Variants in ADAMTSL1 observed in about 807,000 individuals in gnomAD.
ADAMTSL1 encodes the protein ADAMTS like 1.
In ADAMTSL1, 126 loss-of-function variants were observed where a neutral mutation model predicts 201.8. The ratio of observed to expected loss-of-function variants is 0.62; its 90% CI spans 0.54 to 0.72. ADAMTSL1 has a LOEUF of 0.72. ADAMTSL1 is among the 30% of genes least tolerant of loss of function. The pLI is 0.00. For missense variants in ADAMTSL1, 2,679 were observed against 2,277.8 expected (o/e 1.18, Z -3.59); for synonymous variants, 1,121 against 903.4 (o/e 1.24, Z -4.32).
intron 1 of ADAMTSL1, among the ~76,000 whole-genome samples, chr9:17,992,105 C>T (rs574556525): frequency 3.2e-4 from 49 of 152,176 alleles, no homozygotes; most frequent in Middle Eastern, 3.4e-3. Flanking sequence ...CACTTTCTCA[C>T]GGGCCATATA....
intron 3 of ADAMTSL1, among the ~76,000 whole-genome samples, chr9:18,557,384 G>T (rs1007583615): frequency 6.6e-6 from 1 of 152,002 alleles, no homozygotes; most frequent in Non-Finnish European, 1.5e-5. Flanking sequence ...TTCTAGAATT[G>T]TTCTTTAATG....
At chr9:18,205,179 C>A (rs532180586) in intron 2 of ADAMTSL1, among the ~76,000 whole-genome samples, 71 of 152,144 alleles carry the variant, frequency 4.7e-4, no homozygotes, top group African/African-American at 1.5e-3. Flanking sequence ...TAGGGTGGCA[C>A]ATACACATTG....
At chr9:18,144,221 T>C (rs1055045674) in intron 1 of ADAMTSL1, among the ~76,000 whole-genome samples, 1 of 151,894 alleles carries the variant, frequency 6.6e-6, no homozygotes, top group Non-Finnish European at 1.5e-5. Flanking sequence ...CTTTCTTTCT[T>C]TTTTTGAGAC....
At chr9:18,847,984 T>A (rs541857001) in intron 23 of ADAMTSL1, among the ~76,000 whole-genome samples, 1 of 152,352 alleles carries the variant, frequency 6.6e-6, no homozygotes, top group South Asian at 2.1e-4. Context: ...TGATTTAGTT[T>A]ATTGGAAACC....
chr9:18,353,459 A>G (rs1464358519), intron 2 of ADAMTSL1, among the ~76,000 whole-genome samples: 1 of 152,220 alleles, frequency 6.6e-6, no homozygotes, highest in African/African-American at 2.4e-5. Flanking sequence ...CATAATATTT[A>G]TGGAGGCTAA....
intron 5 of ADAMTSL1, among the ~76,000 whole-genome samples, chr9:18,630,590 C>T (rs932088928): frequency 2.7e-4 from 41 of 152,270 alleles, no homozygotes; most frequent in African/African-American, 9.4e-4. Context: ...AGCCTAGGAA[C>T]TCTATCAAGG....
chr9:18,534,038 C>T (rs1246767278), intron 3 of ADAMTSL1, among the ~76,000 whole-genome samples: 1 of 151,978 alleles, frequency 6.6e-6, no homozygotes. Context: ...TTGAGTATAG[C>T]AGTATAAAAG....
At chr9:18,079,779 G>A (rs1291454499) in intron 1 of ADAMTSL1, among the ~76,000 whole-genome samples, 1 of 152,104 alleles carries the variant, frequency 6.6e-6, no homozygotes, top group Non-Finnish European at 1.5e-5. Flanking sequence ...GTACCATGGT[G>A]GAAAGCATCC....
intron 3 of ADAMTSL1, 105 bp downstream of exon 3, chr9:18,533,397 T>G (rs1326291304): frequency 1.1e-6 from 1 of 890,952 alleles, no homozygotes; most frequent in Admixed American, 2.5e-5. Flanking sequence ...AGTATTTCAC[T>G]GAGAGTTTTT....
At chr9:18,884,281 A>G (rs531287292) in intron 23 of ADAMTSL1, among the ~76,000 whole-genome samples, 1 of 152,276 alleles carries the variant, frequency 6.6e-6, no homozygotes, top group South Asian at 2.1e-4. Context: ...TTTGTTAGTT[A>G]TCAAATTTTA....
chr9:18,217,567 A>G (rs896321090), intron 2 of ADAMTSL1, among the ~76,000 whole-genome samples: 1 of 152,012 alleles, frequency 6.6e-6, no homozygotes, highest in African/African-American at 2.4e-5. Flanking sequence ...CCTACTTCCT[A>G]CCATCATATA....
At chr9:18,303,089 A>G (rs1386658633) in intron 2 of ADAMTSL1, among the ~76,000 whole-genome samples, 1 of 152,204 alleles carries the variant, frequency 6.6e-6, no homozygotes, top group African/African-American at 2.4e-5. Flanking sequence ...TAGAGTATGG[A>G]AAGTGTCTAG....
chr9:18,288,217 A>G (rs16936515), intron 2 of ADAMTSL1, among the ~76,000 whole-genome samples: 9,343 of 152,214 alleles, frequency 0.061, 962 homozygotes, highest in African/African-American at 0.21. Flanking sequence ...ACGAGAACGC[A>G]TACACTGGAA....
intron 2 of ADAMTSL1, among the ~76,000 whole-genome samples, chr9:18,441,913 C>A (rs866370250): frequency 4.5e-4 from 68 of 152,080 alleles, no homozygotes; most frequent in African/African-American, 1.5e-3. Flanking sequence ...ATTTAAAAGG[C>A]AAAATATATG....
chr9:18,656,276 T>A (rs1464313719), intron 7 of ADAMTSL1, among the ~76,000 whole-genome samples: 2 of 151,938 alleles, frequency 1.3e-5, no homozygotes, highest in Non-Finnish European at 2.9e-5. Flanking sequence ...AATAGGGCTA[T>A]TTTTAAAATA....
At chr9:18,552,491 A>G (rs1255579565) in intron 3 of ADAMTSL1, among the ~76,000 whole-genome samples, 1 of 151,784 alleles carries the variant, frequency 6.6e-6, no homozygotes, top group Non-Finnish European at 1.5e-5. Flanking sequence ...ATGACCTGTT[A>G]TCCACACTTT....
At chr9:18,248,459 G>C (rs534980411) in intron 2 of ADAMTSL1, among the ~76,000 whole-genome samples, 1 of 151,948 alleles carries the variant, frequency 6.6e-6, no homozygotes, top group African/African-American at 2.4e-5. Flanking sequence ...CCAAAACACT[G>C]TTCTATGTTA....
At chr9:18,657,815 A>G in intron 8 of ADAMTSL1, 65 bp downstream of exon 8, 1 of 1,341,604 alleles carries the variant, frequency 7.5e-7, no homozygotes, top group Non-Finnish European at 1.1e-6. Flanking sequence ...GTATTATAAG[A>G]GTAGAGTTAC....
intron 25 of ADAMTSL1, among the ~76,000 whole-genome samples, chr9:18,891,476 C>T (rs1235586850): frequency 6.6e-6 from 1 of 152,290 alleles, no homozygotes; most frequent in African/African-American, 2.4e-5. Context: ...ACACATGCAA[C>T]AAGAATCCCT....
Sources: allele counts gnomAD v4.1 joint callset (sites outside exome capture counted in the v4.1 genomes callset), GRCh38; gene constraint gnomAD v4.1.1; transcripts MANE v1.5; gene names NCBI Gene and HGNC (gene_info 2026-07-23, HGNC 2026-07-21).